Variants in IGSF11 observed in about 807,000 individuals in gnomAD.
IGSF11 encodes immunoglobulin superfamily member 11.
A neutral mutation model predicts 41.0 loss-of-function variants in IGSF11; 22 were observed. The ratio of observed to expected loss-of-function variants is 0.54; its 90% confidence interval spans 0.38 to 0.77. IGSF11 has a LOEUF of 0.77. Among genes scored for constraint, IGSF11 ranks in the 30% least tolerant of loss-of-function variants. The pLI is 0.00. For synonymous variants in IGSF11, 219 were observed against 201.3 expected, an observed-to-expected ratio of 1.09 and a Z score of -0.74; for missense variants, 444 against 530.8, an observed-to-expected ratio of 0.84 and a Z score of 1.61.
chr3:119,092,658 G>A (rs1196056708), intron 1 of IGSF11, among the ~76,000 whole-genome samples: 1 of 152,128 alleles, frequency 6.6e-6, no homozygotes, highest in South Asian at 2.1e-4. Flanking sequence ...GTCTACAGTA[G>A]TGTATAGTAA....
intron 1 of IGSF11, among the ~76,000 whole-genome samples, chr3:119,048,660 A>G (rs1941477210): frequency 6.6e-6 from 1 of 152,182 alleles, no homozygotes; most frequent in East Asian, 1.9e-4. Flanking sequence ...GGCCAGCATC[A>G]TTCTGATACC....
At chr3:119,126,915 A>G (rs2077412210) in intron 1 of IGSF11, among the ~76,000 whole-genome samples, 1 of 152,168 alleles carries the variant, frequency 6.6e-6, no homozygotes, top group African/African-American at 2.4e-5. Context: ...ACAAACTCAC[A>G]AAGATAAGAA....
intron 1 of IGSF11, among the ~76,000 whole-genome samples, chr3:118,938,456 G>T (rs1943443133): frequency 6.6e-6 from 1 of 152,252 alleles, no homozygotes; most frequent in African/African-American, 2.4e-5. Context: ...ACTCCTGTGG[G>T]CATTTATGTT....
chr3:119,047,382 G>T lies in IGSF11; in HGVS notation c.49+57762C>A, dbSNP rs527618647. 4.6e-5 allele frequency among the ~76,000 whole-genome samples: 7 copies of T among 152,218 alleles called. 1 individual carries two copies. The highest frequency in any genetic ancestry group is 3.9e-4 in the East Asian group (2 of 5,178). ...ATAAAACAGACTTTAAACCAACAAA[G>T]ATCAAAAGGGACAAAGAAGGCCATT... On this transcript the variant is annotated intron_variant, in intron 1 of 6. Transcript: ENST00000354673.
chr3:119,028,936 G>C (rs1202171394), intron 1 of IGSF11, among the ~76,000 whole-genome samples: 1 of 151,946 alleles, frequency 6.6e-6, no homozygotes, highest in African/African-American at 2.4e-5. Flanking sequence ...TGGTTTTTGG[G>C]GATGGTAACG....
intron 1 of IGSF11, among the ~76,000 whole-genome samples, chr3:118,959,923 T>C (rs1257292714): frequency 2.6e-5 from 4 of 151,972 alleles, no homozygotes; most frequent in Admixed American, 6.6e-5. Context: ...CGGGCGCCTG[T>C]AGCCCCAGCT....
At chr3:118,940,367 G>A (rs998260486) in intron 1 of IGSF11, among the ~76,000 whole-genome samples, 6 of 152,016 alleles carry the variant, frequency 3.9e-5, no homozygotes, top group African/African-American at 9.7e-5. Flanking sequence ...AAATAGCAAC[G>A]ATTTTTCTAT....
chr3:118,913,464 T>A (rs751195980), intron 4 of IGSF11, among the ~76,000 whole-genome samples: 1 of 152,200 alleles, frequency 6.6e-6, no homozygotes, highest in African/African-American at 2.4e-5. Context: ...ACCAGCAGAT[T>A]TCTCAACAGA....
At chr3:118,948,646 C>T (rs1408452170) in intron 1 of IGSF11, among the ~76,000 whole-genome samples, 2 of 152,088 alleles carry the variant, frequency 1.3e-5, no homozygotes, top group Non-Finnish European at 2.9e-5. Flanking sequence ...CCTGGTTCCT[C>T]ACGAGAAAAT....
rs368516879 is a variant in IGSF11, at chr3:119,056,402, C to T, written c.49+48742G>A. Among the ~76,000 whole-genome samples the T allele has an allele frequency of 9.2e-5, 14 of 152,256 alleles. No homozygotes were observed. The East Asian group carries it at 2.5e-3, about 27-fold the overall frequency. On this transcript the variant is annotated intron_variant, in intron 1 of 6. Coordinates refer to the IGSF11 transcript ENST00000354673. Reference sequence around the variant, plus strand: ...ATGGATAAATTCCTCGACACATACACCCTCCCAAGACTAAACCAGGAAGAA... The same window carrying T: ...ATGGATAAATTCCTCGACACATACATCCTCCCAAGACTAAACCAGGAAGAA...
intron 1 of IGSF11, among the ~76,000 whole-genome samples, chr3:119,008,132 C>A (rs1937633863): frequency 6.6e-6 from 1 of 152,084 alleles, no homozygotes. Context: ...AACCTTCCAT[C>A]CAGAAGAATA....
At chr3:118,937,170 C>T (rs1943348570) in intron 1 of IGSF11, among the ~76,000 whole-genome samples, 1 of 152,138 alleles carries the variant, frequency 6.6e-6, no homozygotes, top group Non-Finnish European at 1.5e-5. Flanking sequence ...TATCCTTCTG[C>T]CTAAAATGTC....
At position 118,983,693 on chromosome 3, in the gene IGSF11, G is replaced by T. The variant is rs1934969369; in HGVS notation, c.52+50838C>A. Among the ~76,000 whole-genome samples the T allele has an allele frequency of 1.3e-5, 2 of 152,008 alleles. 1 individual carries two copies. Among genetic ancestry groups the T allele is most frequent in the South Asian group, 4.2e-4 (2 of 4,810 alleles). ...AGAGAGACTAAGTAACTAGCCTAGGGTATTACACAGAGCCAGTATTTAATC... is the reference window on the plus strand; with the variant it reads ...AGAGAGACTAAGTAACTAGCCTAGGTTATTACACAGAGCCAGTATTTAATC... On this transcript the variant is annotated intron_variant, in intron 1 of 6. Transcript: ENST00000393775.
chr3:119,123,889 T>C (rs1453823487), intron 1 of IGSF11, among the ~76,000 whole-genome samples: 1 of 152,174 alleles, frequency 6.6e-6, no homozygotes, highest in Non-Finnish European at 1.5e-5. Flanking sequence ...CTGAAAAGGA[T>C]GGGTACAAAT....
chr3:119,061,109 A>T (rs146681588), intron 1 of IGSF11, among the ~76,000 whole-genome samples: 353 of 152,330 alleles, frequency 2.3e-3, no homozygotes, highest in African/African-American at 8.0e-3. Flanking sequence ...TTTTAATTCA[A>T]ATAAATTGGT....
chr3:119,122,078 T>G (rs2077340892), intron 1 of IGSF11, among the ~76,000 whole-genome samples: 1 of 152,186 alleles, frequency 6.6e-6, no homozygotes, highest in Admixed American at 6.5e-5. Context: ...AAAAGTACAT[T>G]CATAAAAACT....
At chr3:119,126,297 C>T (rs1053166899) in intron 1 of IGSF11, among the ~76,000 whole-genome samples, 2 of 152,238 alleles carry the variant, frequency 1.3e-5, no homozygotes, top group African/African-American at 4.8e-5. Context: ...CTGACCCATC[C>T]TTCCTCAGTG....
intron 3 of IGSF11, among the ~76,000 whole-genome samples, chr3:118,927,448 A>T (rs1169968573): frequency 6.6e-6 from 1 of 152,188 alleles, no homozygotes; most frequent in African/African-American, 2.4e-5. Context: ...AGTATTTTAT[A>T]ATCTATACAA....
chr3:119,049,889 G>A (rs1941542408), intron 1 of IGSF11, among the ~76,000 whole-genome samples: 1 of 147,658 alleles, frequency 6.8e-6, no homozygotes, highest in African/African-American at 2.5e-5. Flanking sequence ...ACAAAAACAA[G>A]CAATGGGGAA....
Sources: allele counts gnomAD v4.1 joint callset (sites outside exome capture counted in the v4.1 genomes callset), GRCh38; gene constraint gnomAD v4.1.1; transcripts MANE v1.5; gene names NCBI Gene and HGNC (gene_info 2026-07-23, HGNC 2026-07-21).